The following PHACTR2 variants were observed in gnomAD, a reference collection of about 807,000 sequenced individuals.
PHACTR2 encodes chromosome 6 open reading frame 56.
In PHACTR2, 30 loss-of-function variants were observed where a neutral mutation model predicts 76.0. That is an observed-to-expected ratio of 0.39 (90% CI 0.30 to 0.54). PHACTR2 has a LOEUF of 0.54. PHACTR2 is among the 20% of genes least tolerant of loss of function. The pLI, the probability that PHACTR2 is intolerant of heterozygous loss-of-function variation, is 0.61. For synonymous variants in PHACTR2, 292 were observed against 292.5 expected, an observed-to-expected ratio of 1.00 and a Z score of 0.02; for missense variants, 696 against 781.1, an observed-to-expected ratio of 0.89 and a Z score of 1.30.
At chr6:143,702,127 C>CTTTTT (rs909954007) in intron 1 of PHACTR2, among the ~76,000 whole-genome samples, 26 of 105,738 alleles carry the variant, frequency 2.5e-4, no homozygotes, top group Non-Finnish European at 2.8e-4. Context: ...GTCTTCTTTG[C>CTTTTT]TTTTTTTTTT....
chr6:143,769,864 C>A (rs2144223), intron 6 of PHACTR2, among the ~76,000 whole-genome samples: 24,382 of 151,958 alleles, frequency 0.16, 2,533 homozygotes, highest in East Asian at 0.35. Context: ...AACTAAAAAC[C>A]CAGACTGTGG....
Position 143,696,327 on chromosome 6 carries a change from G to A in PHACTR2, c.47-15689G>A, listed in dbSNP as rs1777769002. Reference sequence around the variant, plus strand: ...TACAGGAGTTTATTTATTTCAGGGGGCATTTTTGTTTTCCTGGAGACCTCT... The same window carrying A: ...TACAGGAGTTTATTTATTTCAGGGGACATTTTTGTTTTCCTGGAGACCTCT... On this transcript the variant is annotated intron_variant, in intron 1 of 12. Coordinates refer to ENST00000440869, the MANE Select transcript of PHACTR2 (RefSeq NM_001100164.2). This position sits in a 1 kb window ranked among gnomAD's most constrained non-coding sequence, Gnocchi z 4.1. Among the ~76,000 whole-genome samples, 1 of 152,070 alleles carries A rather than the reference G, an allele frequency of 6.6e-6. No homozygotes were observed. The highest frequency in any genetic ancestry group is 2.1e-4 in the South Asian group (1 of 4,824).
intron 1 of PHACTR2, among the ~76,000 whole-genome samples, chr6:143,666,212 C>CT (rs1777032517): frequency 6.6e-6 from 1 of 152,094 alleles, no homozygotes; most frequent in Non-Finnish European, 1.5e-5. Flanking sequence ...TGAACTAATC[C>CT]TTTTTTATGG....
At chr6:143,699,419 A>G (rs758948863) in intron 1 of PHACTR2, among the ~76,000 whole-genome samples, 2 of 152,224 alleles carry the variant, frequency 1.3e-5, no homozygotes, top group Non-Finnish European at 2.9e-5. Flanking sequence ...CTCAATGCCA[A>G]AGGAGTTCAA....
At chr6:143,666,750 T>G (rs113606792) in intron 1 of PHACTR2, among the ~76,000 whole-genome samples, 6,870 of 152,300 alleles carry the variant, frequency 0.045, 528 homozygotes, top group African/African-American at 0.16. Context: ...TAAATTTGTT[T>G]AAGATCTTTG....
rs1047211895 is a variant in PHACTR2 at position 143,742,347 on chromosome 6, T to G, written c.215-6638T>G. ...CCTCCCTGTTGGCTTTTGTTGTTGT[T>G]GTGGTTGTTAACTTCAGTTCTCCTC... On this transcript the variant is annotated intron_variant, in intron 2 of 12. Transcript: ENST00000440869. The surrounding 1 kb of genome is among the most constrained non-coding windows in gnomAD (Gnocchi z 4.5). Among the ~76,000 whole-genome samples the G allele has an allele frequency of 5.9e-5, 9 of 152,288 alleles. No homozygotes were observed. In the South Asian group the frequency reaches 1.9e-3, roughly 32 times the overall value.
At chr6:143,667,389 AAGT>A (rs1293084849) in intron 1 of PHACTR2, among the ~76,000 whole-genome samples, 2 of 152,170 alleles carry the variant, frequency 1.3e-5, no homozygotes, top group African/African-American at 4.8e-5. Context: ...ATGAAATTTA[AAGT>A]AGTTTTTTAA....
Position 143,722,504 on chromosome 6 carries a change from C to T in PHACTR2, c.214+10321C>T, listed in dbSNP as rs72994466. On this transcript the variant is annotated intron_variant, in intron 2 of 12. Coordinates refer to ENST00000440869, the MANE Select transcript of PHACTR2 (RefSeq NM_001100164.2). The surrounding 1 kb of genome is among the most constrained non-coding windows in gnomAD (Gnocchi z 4.1). ...TTATTTTTAATGAATGCATAATTTTCGTACATATTTTGGGGTATATGTGAT... is the reference window on the plus strand; with the variant it reads ...TTATTTTTAATGAATGCATAATTTTTGTACATATTTTGGGGTATATGTGAT... Among the ~76,000 whole-genome samples, 864 of 152,066 alleles carry T rather than the reference C, an allele frequency of 5.7e-3. 7 individuals carry two copies. Among genetic ancestry groups the T allele is most frequent in the Middle Eastern group, 0.01 (3 of 294 alleles).
At chr6:143,629,468 C>T (rs561092324) in intron 1 of PHACTR2, among the ~76,000 whole-genome samples, 1 of 152,244 alleles carries the variant, frequency 6.6e-6, no homozygotes, top group Non-Finnish European at 1.5e-5. Flanking sequence ...ACCAGTACCT[C>T]ACGGTGATGG....
chr6:143,791,395 C>A lies in PHACTR2; in HGVS notation c.1845+2485C>A, dbSNP rs1775687292. On this transcript the variant is annotated intron_variant, in intron 11 of 12. Transcript: ENST00000440869. The surrounding 1 kb of genome is among the most constrained non-coding windows in gnomAD (Gnocchi z 4.7). Reference sequence around the variant, plus strand: ...ACTCTGTGTGTCAGTGATTTGCAACCTTGGCTACAAATTGGAATCACCTAT... The same window carrying A: ...ACTCTGTGTGTCAGTGATTTGCAACATTGGCTACAAATTGGAATCACCTAT... 6.6e-6 allele frequency among the ~76,000 whole-genome samples: 1 copy of A among 152,202 alleles called. No individual in the cohort carries two copies. The highest frequency in any genetic ancestry group is 6.5e-5 in the Admixed American group (1 of 15,278).
Position 143,592,777 on chromosome 6 carries a change from G to A in PHACTR2, c.217+55570G>A, listed in dbSNP as rs185227237. Among the ~76,000 whole-genome samples, 27 of 152,188 alleles carry A rather than the reference G, an allele frequency of 1.8e-4. No homozygotes were observed. Among genetic ancestry groups the A allele is most frequent in the African/African-American group, 6.3e-4 (26 of 41,512 alleles). ...GAATCCCAACCTTGGGCTGGGCACG[G>A]TGGCTCAAGCCTGTAATCCCAGCAC... On this transcript the variant is annotated intron_variant, in intron 1 of 11. Transcript: ENST00000367584. The surrounding 1 kb of genome is among the most constrained non-coding windows in gnomAD (Gnocchi z 4.0).
Position 143,804,223 on chromosome 6 carries a change from C to T in PHACTR2, c.1846-2834C>T, listed in dbSNP as rs377283031. 2.6e-5 allele frequency among the ~76,000 whole-genome samples: 4 copies of T among 152,208 alleles called. 1 individual carries two copies. The highest frequency in any genetic ancestry group is 4.4e-5 in the Non-Finnish European group (3 of 68,028). ...CCAAGACAGCTTCTTCACTAACCGT[C>T]GGTGCCTTTTGCTCCTTGGCCTCTC... On this transcript the variant is annotated intron_variant, in intron 11 of 12. Transcript: ENST00000440869.
At chr6:143,716,748 A>G (rs1336939213) in intron 2 of PHACTR2, among the ~76,000 whole-genome samples, 2 of 152,224 alleles carry the variant, frequency 1.3e-5, no homozygotes, top group African/African-American at 4.8e-5. Flanking sequence ...AACACAGGGA[A>G]TGGATTTGGA....
In PHACTR2 at chr6:143,610,549, CCA is replaced by C. The variant is rs1363465318; in HGVS notation, c.13+2232_13+2233del. Among the ~76,000 whole-genome samples the C allele has an allele frequency of 6.6e-6, 1 of 152,152 alleles. No homozygotes were observed. The highest frequency in any genetic ancestry group is 6.5e-5 in the Admixed American group (1 of 15,286). On this transcript the variant is annotated intron_variant, in intron 1 of 11. Coordinates refer to the PHACTR2 transcript ENST00000305766. This position sits in a 1 kb window ranked among gnomAD's most constrained non-coding sequence, Gnocchi z 4.9. Reference sequence around the variant, plus strand: ...GACAGGCAGAAGCACAGCAATGGGTCCACACAGGTTGAATGTCCCTCATTTAT... The same window carrying C: ...GACAGGCAGAAGCACAGCAATGGGTCCACAGGTTGAATGTCCCTCATTTAT...
At chr6:143,651,634 A>G (rs1279406947) in intron 1 of PHACTR2, among the ~76,000 whole-genome samples, 1 of 150,994 alleles carries the variant, frequency 6.6e-6, no homozygotes, top group Non-Finnish European at 1.5e-5. Flanking sequence ...TGGGAGCTGA[A>G]TGATGAGAAC....
At chr6:143,768,599 TAAG>T (rs1347306403) in intron 6 of PHACTR2, among the ~76,000 whole-genome samples, 1 of 152,190 alleles carries the variant, frequency 6.6e-6, no homozygotes, top group Non-Finnish European at 1.5e-5. Flanking sequence ...CACAAATATT[TAAG>T]GAGTTCATTT....
intron 2 of PHACTR2, among the ~76,000 whole-genome samples, chr6:143,718,195 A>G (rs1302088119): frequency 6.6e-6 from 1 of 152,172 alleles, no homozygotes; most frequent in East Asian, 1.9e-4. Flanking sequence ...TGTACTCCCT[A>G]ATAGTAATAA....
intron 1 of PHACTR2, among the ~76,000 whole-genome samples, chr6:143,622,886 TA>T (rs1459863475): frequency 1.3e-5 from 2 of 152,164 alleles, no homozygotes; most frequent in East Asian, 3.8e-4. Context: ...CCATATACTT[TA>T]AAAAAATGTT....
At chr6:143,544,871 T>A (rs1195019956) in intron 1 of PHACTR2, among the ~76,000 whole-genome samples, 1 of 152,090 alleles carries the variant, frequency 6.6e-6, no homozygotes, top group Non-Finnish European at 1.5e-5. Flanking sequence ...CCTAAAACGA[T>A]TTTTTAAAAA....
Sources: allele counts gnomAD v4.1 joint callset (sites outside exome capture counted in the v4.1 genomes callset), GRCh38; gene constraint gnomAD v4.1.1; non-coding constraint Gnocchi (gnomAD v3.1); transcripts MANE v1.5; gene names NCBI Gene and HGNC (gene_info 2026-07-23, HGNC 2026-07-21).